Variants in AFF1 observed in about 807,000 individuals in gnomAD.
The protein encoded by AFF1 is ALF transcription elongation factor 1.
Under a neutral mutation model 121.7 loss-of-function variants are expected in AFF1, and 48 were observed. The ratio of observed to expected loss-of-function variants is 0.39; its 90% CI spans 0.31 to 0.50. AFF1 has a LOEUF of 0.50. Among genes scored for constraint, AFF1 ranks in the 20% least tolerant of loss-of-function variants. AFF1 has a pLI of 0.76. For synonymous variants in AFF1, 613 were observed against 563.0 expected (o/e 1.09, Z -1.26); for missense variants, 1,523 against 1,511.7 (o/e 1.01, Z -0.12).
chr4:86,987,406 C>G (rs1345763498), intron 2 of AFF1, among the ~76,000 whole-genome samples: 1 of 152,156 alleles, frequency 6.6e-6, no homozygotes, highest in Non-Finnish European at 1.5e-5. Flanking sequence ...CCATTTGTCC[C>G]CTCCTGAGCA....
At position 87,114,655 on chromosome 4, in the gene AFF1, G is replaced by A; in HGVS notation, c.1822G>A (p.Gly608Arg). 1 of 1,610,498 alleles carries A rather than the reference G, an allele frequency of 6.2e-7. No homozygotes were observed. The highest frequency in any genetic ancestry group is 8.5e-7 in the Non-Finnish European group (1 of 1,179,122). Residue 608 changes from glycine (G) to arginine (R), a missense_variant, in exon 12 of 21, where the codon GGA becomes AGA. Gly to Arg is a moderately radical substitution (Grantham distance 125). Around this residue, in one of 5 missense-constraint regions of AFF1, gnomAD observed 905 missense variants for 842.5 expected, o/e 1.07. Coordinates refer to ENST00000395146, the MANE Select transcript of AFF1 (RefSeq NM_001166693.3). ...QQEPPQRQTV[G>R]TKQPKKPVKA... ...GGAGCCCCCACAAAGGCAAACCGTT[G>A]GAACCAAACAACCCAAAAAACCTGT...
intron 5 of AFF1, among the ~76,000 whole-genome samples, chr4:87,085,982 A>G (rs941021629): frequency 3.3e-5 from 5 of 151,728 alleles, no homozygotes; most frequent in Non-Finnish European, 7.4e-5. Context: ...CAAGTGATCC[A>G]CCCGCCTCAG....
At chr4:87,032,502 C>A (rs1032894437) in intron 2 of AFF1, among the ~76,000 whole-genome samples, 1 of 152,204 alleles carries the variant, frequency 6.6e-6, no homozygotes, top group African/African-American at 2.4e-5. Context: ...ACTTATTCCT[C>A]CTTTTTTTGT....
At chr4:86,996,842 T>C (rs1380788088) in intron 2 of AFF1, among the ~76,000 whole-genome samples, 1 of 152,258 alleles carries the variant, frequency 6.6e-6, no homozygotes, top group Non-Finnish European at 1.5e-5. Context: ...TCTGCCCTCA[T>C]GAATGAATGC....
At chr4:86,944,652 T>C (rs1017942392) in intron 1 of AFF1, among the ~76,000 whole-genome samples, 1 of 152,096 alleles carries the variant, frequency 6.6e-6, no homozygotes, top group Non-Finnish European at 1.5e-5. Flanking sequence ...CGAGGTCTTA[T>C]AGCTAGTTGC....
intron 4 of AFF1, among the ~76,000 whole-genome samples, chr4:87,060,716 G>C (rs1720660185): frequency 6.6e-6 from 1 of 151,794 alleles, no homozygotes; most frequent in African/African-American, 2.4e-5. Context: ...GCAGGCGCCT[G>C]TACTCCCGGC....
At position 87,139,534 on chromosome 4, in the gene AFF1, C is replaced by CA. The variant is rs1407415947; in HGVS notation, c.*3835dup. The CA allele has an allele frequency of 4.3e-6, 1 of 230,686 alleles. No homozygotes were observed. Among genetic ancestry groups the CA allele is most frequent in the African/African-American group, 2.2e-5 (1 of 45,184 alleles). 14.3% of individuals were successfully genotyped at this position (230,686 alleles called of 1,614,324 possible). A position where few individuals can be genotyped will look rare whatever the true frequency, so the allele number is the denominator to read the frequency against. On this transcript the variant is annotated 3_prime_UTR_variant, in exon 21 of 21. Transcript: ENST00000395146. ...ATATTTTGTGCTTTCTTTAGAAACACAAGAGTATAGATTTTTCTCACTGAA... is the reference window on the plus strand; with the variant it reads ...ATATTTTGTGCTTTCTTTAGAAACACAAAGAGTATAGATTTTTCTCACTGAA...
At chr4:87,034,165 C>T (rs1403149715) in intron 2 of AFF1, among the ~76,000 whole-genome samples, 1 of 152,178 alleles carries the variant, frequency 6.6e-6, no homozygotes, top group Non-Finnish European at 1.5e-5. Flanking sequence ...GCGAGTCTTC[C>T]TCAGCTTTAG....
intron 2 of AFF1, among the ~76,000 whole-genome samples, chr4:87,039,809 A>G (rs1729935136): frequency 1.3e-5 from 2 of 152,312 alleles, no homozygotes; most frequent in African/African-American, 2.4e-5. Context: ...AGTAGAACTC[A>G]TGGTGTCTGT....
intron 2 of AFF1, among the ~76,000 whole-genome samples, chr4:87,016,815 G>T (rs1381858504): frequency 6.6e-6 from 1 of 152,090 alleles, no homozygotes; most frequent in Non-Finnish European, 1.5e-5. Context: ...AATGGAGTAT[G>T]ATGGTTTCTT....
At chr4:87,006,263 T>C (rs1008221863) in intron 2 of AFF1, among the ~76,000 whole-genome samples, 3 of 152,220 alleles carry the variant, frequency 2.0e-5, no homozygotes, top group Admixed American at 6.5e-5. Context: ...CTGGTCCCTA[T>C]GAGATGCTGA....
intron 2 of AFF1, among the ~76,000 whole-genome samples, chr4:87,008,335 C>G (rs1438863427): frequency 6.6e-6 from 1 of 152,142 alleles, no homozygotes; most frequent in Non-Finnish European, 1.5e-5. Context: ...AGACTCAGAT[C>G]ATGGAGAGAA....
intron 19 of AFF1, among the ~76,000 whole-genome samples, 164 bp from the exon 20 acceptor site, chr4:87,134,307 G>T (rs1358026514): frequency 1.3e-5 from 2 of 152,340 alleles, no homozygotes; most frequent in Admixed American, 6.5e-5. Context: ...GCCCAGCAGG[G>T]TGTCTCGTTG....
intron 2 of AFF1, among the ~76,000 whole-genome samples, chr4:86,964,621 A>G (rs1578859569): frequency 6.7e-6 from 1 of 149,292 alleles, no homozygotes; most frequent in East Asian, 2.0e-4. Context: ...TTTAGTAGAG[A>G]CAGGGTTTCT....
rs5860047 is a variant in AFF1 at position 86,980,957 on chromosome 4, T to G, written c.38+32386T>G. Among the ~76,000 whole-genome samples the G allele has an allele frequency of 1.9e-4, 23 of 122,468 alleles. 1 individual carries two copies. Among genetic ancestry groups the G allele is most frequent in the East Asian group, 5.7e-4 (2 of 3,480 alleles). The allele number at this position is 122,468 out of a possible 152,430, so 80.3% of individuals were successfully genotyped here. On this transcript the variant is annotated intron_variant, in intron 2 of 20. Transcript: ENST00000395146. The stretch of plus-strand genomic sequence containing the variant: ...TGCGAGGCTTGAGGCACCCCCCCCC[T>G]CCACCAAAAAAAAGGAAAGTAACAA...
rs570997631 is a variant in AFF1, at chr4:87,090,045, C to T, written c.1166C>T (p.Pro389Leu). ...ATACATACGCCTAGTACAGCTGAGC[C>T]ATCCAAGTTTCCTTTCCCTACAAAG... is the stretch of plus-strand genomic sequence containing the variant. ...TAIHTPSTAE[P>L]SKFPFPTKDS... The change falls in exon 6 of 21, where the codon CCA becomes CTA. Residue 389 changes from proline (P) to leucine (L), a missense_variant. This residue lies in a region of AFF1 where 905 missense variants were observed against 842.5 expected (regional missense o/e 1.07). Coordinates refer to ENST00000395146, the MANE Select transcript of AFF1 (RefSeq NM_001166693.3). 1 of 1,613,860 alleles carries T rather than the reference C, an allele frequency of 6.2e-7. No homozygotes were observed. Among genetic ancestry groups the T allele is most frequent in the African/African-American group, 1.3e-5 (1 of 75,006 alleles).
intron 1 of AFF1, chr4:86,935,746 G>A (rs1719929502): frequency 6.6e-6 from 1 of 152,460 alleles, no homozygotes; most frequent in Admixed American, 6.5e-5. Context: ...GAGCAGGAGG[G>A]AGGCGTGTGT....
In AFF1 at chr4:86,985,214, T is replaced by TATATATATATATATAA. The variant is rs1277485096; in HGVS notation, c.38+36644_38+36645insTATATATATATATAAA. The stretch of plus-strand genomic sequence containing the variant: ...ATATATATATATATATATATATATA[T>TATATATATATATATAA]AAAATTATATTTTAGGCCGGGCAGA... On this transcript the variant is annotated intron_variant, in intron 2 of 20. Coordinates refer to ENST00000395146, the MANE Select transcript of AFF1 (RefSeq NM_001166693.3). Among the ~76,000 whole-genome samples the TATATATATATATATAA allele has an allele frequency of 1.7e-3, 173 of 104,438 alleles. 1 individual carries two copies. Among genetic ancestry groups the TATATATATATATATAA allele is most frequent in the African/African-American group, 5.4e-3 (162 of 29,946 alleles). The allele number at this position is 104,438 out of a possible 152,430, so 68.5% of individuals were successfully genotyped here.
At chr4:87,065,936 G>A (rs757001732) in intron 4 of AFF1, among the ~76,000 whole-genome samples, 1 of 152,142 alleles carries the variant, frequency 6.6e-6, no homozygotes, top group African/African-American at 2.4e-5. Flanking sequence ...CTTTTATGAT[G>A]ATAACTTTTA....
Sources: allele counts gnomAD v4.1 joint callset (sites outside exome capture counted in the v4.1 genomes callset), GRCh38; gene constraint gnomAD v4.1.1; regional missense constraint gnomAD v4.1.1; transcripts MANE v1.5; gene names NCBI Gene and HGNC (gene_info 2026-07-23, HGNC 2026-07-21).